The following PTPRT variants were observed in gnomAD, a reference collection of about 807,000 sequenced individuals.
PTPRT encodes the protein protein tyrosine phosphatase receptor type T.
In PTPRT, 56 loss-of-function variants were observed where a neutral mutation model predicts 176.8. That is an observed-to-expected ratio of 0.32 (90% CI 0.26 to 0.40). PTPRT has a LOEUF of 0.40. PTPRT is among the 10% of genes least tolerant of loss of function. The pLI, the probability that PTPRT is intolerant of heterozygous loss-of-function variation, is 1.00. For synonymous variants in PTPRT, 783 were observed against 739.0 expected (o/e 1.06, Z -0.96); for missense variants, 1,540 against 1,908.2 (o/e 0.81, Z 3.60).
chr20:43,121,043 T>G (rs1414218786), intron 1 of PTPRT, among the ~76,000 whole-genome samples: 1 of 152,212 alleles, frequency 6.6e-6, no homozygotes, highest in Non-Finnish European at 1.5e-5. Context: ...GGATAATTGC[T>G]GTCTTGACTT....
intron 7 of PTPRT, among the ~76,000 whole-genome samples, chr20:42,627,519 G>A (rs138708247): frequency 9.9e-5 from 15 of 152,118 alleles, no homozygotes; most frequent in African/African-American, 3.6e-4. Context: ...CAATCTTTCT[G>A]CCTTGGCCTC....
intron 7 of PTPRT, among the ~76,000 whole-genome samples, chr20:42,503,154 C>T (rs894638201): frequency 1.3e-4 from 20 of 151,838 alleles, no homozygotes; most frequent in Admixed American, 1.2e-3. Flanking sequence ...TGTTGATACA[C>T]TCTGTTTTAG....
intron 3 of PTPRT, among the ~76,000 whole-genome samples, chr20:42,781,369 C>T (rs781644092): frequency 6.6e-6 from 1 of 152,146 alleles, no homozygotes; most frequent in East Asian, 1.9e-4. Context: ...CCCACATCTT[C>T]AAGAGGCAAG....
chr20:42,272,618 T>C (rs1278463930), intron 13 of PTPRT, among the ~76,000 whole-genome samples: 1 of 152,152 alleles, frequency 6.6e-6, no homozygotes, highest in Non-Finnish European at 1.5e-5. Flanking sequence ...ATAACTAGGG[T>C]GTCCTTCCCC....
intron 9 of PTPRT, among the ~76,000 whole-genome samples, chr20:42,398,822 T>G (rs1281938303): frequency 6.6e-6 from 1 of 152,228 alleles, no homozygotes; most frequent in East Asian, 1.9e-4. Context: ...CTTATAGTTT[T>G]CTGAGTTAGC....
the PTPRT span, among the ~76,000 whole-genome samples, chr20:42,049,279 A>G: frequency 1.3e-5 from 2 of 152,248 alleles, no homozygotes; most frequent in African/African-American, 4.8e-5. Context: ...GGCATGCAGT[A>G]GGTGCTCAGC....
At chr20:42,866,520 T>G (rs1445061665) in intron 2 of PTPRT, among the ~76,000 whole-genome samples, 1 of 152,156 alleles carries the variant, frequency 6.6e-6, no homozygotes, top group Non-Finnish European at 1.5e-5. Flanking sequence ...TCCACTGCCT[T>G]CCTTCCCACC....
chr20:42,614,238 C>T (rs2074024462), intron 7 of PTPRT, among the ~76,000 whole-genome samples: 1 of 152,134 alleles, frequency 6.6e-6, no homozygotes, highest in Admixed American at 6.6e-5. Context: ...GTCTAAACTT[C>T]CCCTTTTTGT....
intron 6 of PTPRT, among the ~76,000 whole-genome samples, chr20:42,695,077 A>C (rs1438016584): frequency 6.6e-6 from 1 of 152,050 alleles, no homozygotes; most frequent in Non-Finnish European, 1.5e-5. Flanking sequence ...AAATTTTCTA[A>C]TTGTTTTGTC....
At chr20:42,747,107 A>C (rs1270562731) in intron 6 of PTPRT, among the ~76,000 whole-genome samples, 3 of 152,210 alleles carry the variant, frequency 2.0e-5, no homozygotes, top group African/African-American at 7.2e-5. Context: ...CAGCTCCCAT[A>C]AGAAGGAAGA....
At chr20:42,291,978 G>A (rs2057323429) in intron 12 of PTPRT, among the ~76,000 whole-genome samples, 1 of 152,172 alleles carries the variant, frequency 6.6e-6, no homozygotes, top group Non-Finnish European at 1.5e-5. Flanking sequence ...TTGGTGAGAA[G>A]AAGGTGGTGG....
intron 1 of PTPRT, among the ~76,000 whole-genome samples, chr20:43,093,616 T>C (rs1454139933): frequency 6.6e-6 from 1 of 152,214 alleles, no homozygotes; most frequent in Non-Finnish European, 1.5e-5. Flanking sequence ...TCTGATCTAT[T>C]TTCCAAGAGC....
At chr20:43,026,589 T>C (rs1444370011) in intron 1 of PTPRT, among the ~76,000 whole-genome samples, 1 of 152,200 alleles carries the variant, frequency 6.6e-6, no homozygotes, top group Non-Finnish European at 1.5e-5. Flanking sequence ...AGCCTTTGTG[T>C]TACAAAGAAT....
At position 42,337,036 on chromosome 20, in the gene PTPRT, A is replaced by G. The variant is rs989757023; in HGVS notation, c.1865+13592T>C. Among the ~76,000 whole-genome samples, 21 of 152,098 alleles carry G rather than the reference A, an allele frequency of 1.4e-4. 1 individual carries two copies. Among genetic ancestry groups the G allele is most frequent in the South Asian group, 1.0e-3 (5 of 4,820 alleles). On this transcript the variant is annotated intron_variant, in intron 11 of 30. Coordinates refer to ENST00000373187, the MANE Select transcript of PTPRT (RefSeq NM_007050.6). ...CAAGGGGAGTTTTTTCCCAAAACTG[A>G]AGAGTTTCTTTTTGAGCTGTGGCAT...
intron 9 of PTPRT, among the ~76,000 whole-genome samples, chr20:42,435,337 G>A (rs2059252753): frequency 6.6e-6 from 1 of 152,244 alleles, no homozygotes; most frequent in South Asian, 2.1e-4. Flanking sequence ...AGACAGTGGT[G>A]AGTGGGCAAA....
intron 6 of PTPRT, 92 bp downstream of exon 6, chr20:42,756,370 G>C: frequency 7.9e-7 from 1 of 1,271,802 alleles, no homozygotes; most frequent in Non-Finnish European, 1.0e-6. Flanking sequence ...TTTACTGAAT[G>C]TGGGGGAGGA....
At chr20:42,056,963 C>T in the PTPRT span, among the ~76,000 whole-genome samples, 1 of 152,220 alleles carries the variant, frequency 6.6e-6, no homozygotes, top group African/African-American at 2.4e-5. Context: ...ATCATCCCTT[C>T]CTCTGGGAAG....
chr20:43,180,255 C>G (rs527680763), intron 1 of PTPRT, among the ~76,000 whole-genome samples: 1 of 152,046 alleles, frequency 6.6e-6, no homozygotes, highest in East Asian at 1.9e-4. Context: ...CTTACATCAT[C>G]AACTTTCCTG....
At chr20:43,122,445 A>T (rs2013297118) in intron 1 of PTPRT, among the ~76,000 whole-genome samples, 1 of 152,206 alleles carries the variant, frequency 6.6e-6, no homozygotes, top group Non-Finnish European at 1.5e-5. Flanking sequence ...AACTCCACTT[A>T]TGATACGGTT....
Sources: allele counts gnomAD v4.1 joint callset (sites outside exome capture counted in the v4.1 genomes callset), GRCh38; gene constraint gnomAD v4.1.1; transcripts MANE v1.5; gene names NCBI Gene and HGNC (gene_info 2026-07-23, HGNC 2026-07-21).